WNT3: variants seen among roughly 807,000 people sequenced by gnomAD.
WNT3 encodes Wnt family member 3.
Under a neutral mutation model 34.2 loss-of-function variants are expected in WNT3, and 7 were observed. That is an observed-to-expected ratio of 0.20 (90% confidence interval 0.12 to 0.38). WNT3 has a LOEUF of 0.38. Among genes scored for constraint, WNT3 ranks in the 10% least tolerant of loss-of-function variants. The pLI is 1.00. For synonymous variants in WNT3, 212 were observed against 211.5 expected, an observed-to-expected ratio of 1.00 and a Z score of -0.02; for missense variants, 267 against 499.8, an observed-to-expected ratio of 0.53 and a Z score of 4.44.
intron 1 of WNT3, among the ~76,000 whole-genome samples, chr17:46,816,844 G>C (rs1221614264): frequency 6.6e-6 from 1 of 152,158 alleles, no homozygotes; most frequent in Non-Finnish European, 1.5e-5. Flanking sequence ...GGCGAAAAAC[G>C]GCATGGCCTT....
At chr17:46,815,565 G>A (rs1367852000) in intron 1 of WNT3, among the ~76,000 whole-genome samples, 1 of 152,044 alleles carries the variant, frequency 6.6e-6, no homozygotes, top group Non-Finnish European at 1.5e-5. Context: ...GGGTTGGGGA[G>A]TGGGGGCAGA....
chr17:46,809,817 A>G (rs1386262560), intron 1 of WNT3, among the ~76,000 whole-genome samples: 1 of 151,966 alleles, frequency 6.6e-6, no homozygotes, highest in Non-Finnish European at 1.5e-5. Context: ...GCCCTCTCCC[A>G]GGGGCTCTCC....
chr17:46,788,275 A>G (rs916687407), intron 1 of WNT3, among the ~76,000 whole-genome samples: 1 of 152,148 alleles, frequency 6.6e-6, no homozygotes, highest in Non-Finnish European at 1.5e-5. Context: ...GTTCATTTTA[A>G]CCTTGTAACA....
At chr17:46,764,902 C>G (rs1900860269) in intron 4 of WNT3, among the ~76,000 whole-genome samples, 1 of 152,232 alleles carries the variant, frequency 6.6e-6, no homozygotes, top group South Asian at 2.1e-4. Flanking sequence ...CAACAGGAAG[C>G]CCAGGAGCAG....
At position 46,773,900 on chromosome 17, in the gene WNT3, G is replaced by A. The variant is rs1038045871; in HGVS notation, c.90C>T (p.Ala30=). The change falls in exon 2 of 5, where the codon GCC becomes GCT. Residue 30 remains alanine (A), a synonymous_variant. Coordinates refer to ENST00000225512, the MANE Select transcript of WNT3 (RefSeq NM_030753.5). The part of the protein sequence containing the change: ...LAGYPIWWSL[A]LGQQYTSLGS... The stretch of plus-strand genomic sequence containing the variant: ...CCAGAGATGTGTACTGCTGGCCCAG[G>A]GCCAGGGACCTGCAGGCAGACAGAG... 1.2e-6 allele frequency: 2 copies of A among 1,611,646 alleles called. No homozygotes were observed. The highest frequency in any genetic ancestry group is 1.7e-6 in the Non-Finnish European group (2 of 1,179,900).
Position 46,763,199 on chromosome 17 carries a change from C to T in WNT3, c.*1431G>A, listed in dbSNP as rs2059282836. 1 of 152,224 alleles carries T rather than the reference C, an allele frequency of 6.6e-6. No homozygotes were observed. The highest frequency in any genetic ancestry group is 2.4e-5 in the African/African-American group (1 of 41,444). 9.4% of individuals were successfully genotyped at this position (152,224 alleles called of 1,614,324 possible). On this transcript the variant is annotated 3_prime_UTR_variant, in exon 5 of 5. Transcript: ENST00000225512. ...GGGAGAAAGAAAAATCTTTGTTCTG[C>T]TCATTCCCCTGCTGCATCTCTTCTT...
chr17:46,771,430 G>A (rs1438203301), intron 2 of WNT3, among the ~76,000 whole-genome samples: 1 of 150,980 alleles, frequency 6.6e-6, no homozygotes, highest in African/African-American at 2.4e-5. Context: ...CCGGCCTGCG[G>A]CCTCTCGCGG....
chr17:46,780,600 C>A (rs2059452094), intron 1 of WNT3, among the ~76,000 whole-genome samples: 1 of 151,984 alleles, frequency 6.6e-6, no homozygotes, highest in Non-Finnish European at 1.5e-5. Flanking sequence ...CACGGTGAAA[C>A]CCCGTCTCTA....
chr17:46,779,053 T>TCACAAACACACA (rs1555683628), intron 1 of WNT3, among the ~76,000 whole-genome samples: 2 of 100,668 alleles, frequency 2.0e-5, no homozygotes, highest in African/African-American at 8.9e-5. Flanking sequence ...CCCTACCCCA[T>TCACAAACACACA]CACACACACA....
chr17:46,796,761 A>G (rs1050384606), intron 1 of WNT3, among the ~76,000 whole-genome samples: 24 of 152,336 alleles, frequency 1.6e-4, no homozygotes, highest in African/African-American at 5.5e-4. Context: ...TGGCTGCTGC[A>G]TAGGAGAGGG....
rs865812034 is a variant in WNT3, at chr17:46,816,151, A to G, written c.80+2367T>C. Among the ~76,000 whole-genome samples, 5 of 151,540 alleles carry G rather than the reference A, an allele frequency of 3.3e-5. No homozygotes were observed. In the South Asian group the frequency reaches 6.2e-4, roughly 19 times the overall value. On this transcript the variant is annotated intron_variant, in intron 1 of 4. Transcript: ENST00000225512. ...CACACTCACACACACGCACGCACGC[A>G]CACACACACTCACATGCCCAGTCAT...
At chr17:46,808,133 TTC>T (rs749927226) in intron 1 of WNT3, among the ~76,000 whole-genome samples, 10 of 152,166 alleles carry the variant, frequency 6.6e-5, no homozygotes, top group Middle Eastern at 3.2e-3. Context: ...ACGCTACCCT[TTC>T]TGTTTCACAG....
chr17:46,768,156 G>C lies in WNT3; in HGVS notation c.*8+156C>G, dbSNP rs1476660022. On this transcript the variant is annotated intron_variant, in intron 4 of 4. Transcript: ENST00000225512. The surrounding 1 kb of genome is among the most constrained non-coding windows in gnomAD (Gnocchi z 5.0). The stretch of plus-strand genomic sequence containing the variant: ...CTGCCCAAGGACCATTCCCACGGAT[G>C]CTTGAAAAATCCTAGCTTCCTATTT... Among the ~76,000 whole-genome samples the C allele has an allele frequency of 3.9e-5, 6 of 152,192 alleles. No individual in the cohort carries two copies. The East Asian group carries it at 9.6e-4, about 24-fold the overall frequency.
chr17:46,778,212 T>C (rs67143796), intron 1 of WNT3, among the ~76,000 whole-genome samples: 17,275 of 152,044 alleles, frequency 0.11, 2,341 homozygotes, highest in East Asian at 0.6. Flanking sequence ...GTAGAACACA[T>C]CAGAAATCTC....
chr17:46,798,821 G>A (rs190418154), intron 1 of WNT3, among the ~76,000 whole-genome samples: 2 of 152,164 alleles, frequency 1.3e-5, no homozygotes, highest in East Asian at 1.9e-4. Flanking sequence ...AGGCCAAGGC[G>A]GGTGGATCAC....
rs780539167 is a variant in WNT3 at position 46,773,828 on chromosome 17, C to T, written c.162G>A (p.Lys54=). The T allele has an allele frequency of 1.9e-6, 3 of 1,613,420 alleles. No homozygotes were observed. The highest frequency in any genetic ancestry group is 2.2e-5 in the East Asian group (1 of 44,874). The change falls in exon 2 of 5, where the codon AAG becomes AAA. Residue 54 remains lysine (K), a synonymous_variant. Transcript: ENST00000225512. Reference sequence around the variant, plus strand: ...TGTAATTGCGGCAGAAGCGCAGTTGCTTGGGGACCAGGCCTGGGATGGAGC... The same window carrying T: ...TGTAATTGCGGCAGAAGCGCAGTTGTTTGGGGACCAGGCCTGGGATGGAGC... ...LCGSIPGLVP[K]QLRFCRNYIE... is the part of the protein sequence containing the mutation.
At chr17:46,770,819 T>C (rs2059359025) in intron 2 of WNT3, among the ~76,000 whole-genome samples, 1 of 152,160 alleles carries the variant, frequency 6.6e-6, no homozygotes, top group Admixed American at 6.5e-5. Flanking sequence ...ACGGTCATCG[T>C]CTCTGCATGT....
At chr17:46,783,289 C>T (rs2059477506) in intron 1 of WNT3, among the ~76,000 whole-genome samples, 1 of 152,210 alleles carries the variant, frequency 6.6e-6, no homozygotes, top group Non-Finnish European at 1.5e-5. Context: ...CCCCAGCTGT[C>T]AAGACTGGGG....
chr17:46,784,012 GC>G (rs2059482547), intron 1 of WNT3, among the ~76,000 whole-genome samples: 1 of 152,204 alleles, frequency 6.6e-6, no homozygotes, highest in African/African-American at 2.4e-5. Context: ...AGACTCTGGG[GC>G]CTGGGGATCC....
Sources: allele counts gnomAD v4.1 joint callset (sites outside exome capture counted in the v4.1 genomes callset), GRCh38; gene constraint gnomAD v4.1.1; non-coding constraint Gnocchi (gnomAD v3.1); transcripts MANE v1.5; gene names NCBI Gene and HGNC (gene_info 2026-07-23, HGNC 2026-07-21).